SDHAF4: variants seen among roughly 807,000 people sequenced by gnomAD.
SDHAF4 encodes succinate dehydrogenase complex assembly factor 4.
In SDHAF4, 14 loss-of-function variants were observed where a neutral mutation model predicts 14.3. That is an observed-to-expected ratio of 0.98 (90% CI 0.65 to 1.53). The LOEUF (loss-of-function observed/expected upper bound fraction) is 1.53. Ranked by LOEUF, SDHAF4 falls within the 40% of genes most tolerant of loss-of-function variation. The probability of loss-of-function intolerance (pLI) is 0.00; values close to 1 mark genes in which losing one functional copy is unlikely to be tolerated. For missense variants in SDHAF4, 141 were observed against 129.3 expected, an observed-to-expected ratio of 1.09 and a Z score of -0.44; for synonymous variants, 63 against 47.3, an observed-to-expected ratio of 1.33 and a Z score of -1.36.
At chr6:70,568,389 A>G (rs1436454081) in intron 1 of SDHAF4, among the ~76,000 whole-genome samples, 1 of 152,236 alleles carries the variant, frequency 6.6e-6, no homozygotes, top group African/African-American at 2.4e-5. Flanking sequence ...CAATTTAAGA[A>G]ATAGTCTCTA....
downstream of SDHAF4, among the ~76,000 whole-genome samples, chr6:70,593,498 C>G (rs1056315008): frequency 7.2e-5 from 11 of 152,166 alleles, no homozygotes; most frequent in African/African-American, 2.7e-4. Flanking sequence ...GTAGAGCTAC[C>G]AGTATGCAAC....
At chr6:70,567,912 C>T (rs565086860) in intron 1 of SDHAF4, among the ~76,000 whole-genome samples, 32 of 152,286 alleles carry the variant, frequency 2.1e-4, no homozygotes, top group Admixed American at 1.5e-3. Flanking sequence ...GTCTCGATCT[C>T]CTGACCTTGT....
intron 1 of SDHAF4, among the ~76,000 whole-genome samples, chr6:70,572,646 G>A (rs1042337122): frequency 1.3e-5 from 2 of 150,036 alleles, no homozygotes; most frequent in African/African-American, 2.5e-5. Context: ...TCCATTTTCC[G>A]TGGTTTTTTT....
chr6:70,589,779 C>T (rs1765242423), downstream of SDHAF4, among the ~76,000 whole-genome samples: 1 of 152,098 alleles, frequency 6.6e-6, no homozygotes, highest in African/African-American at 2.4e-5. Flanking sequence ...CTCTGTGCTT[C>T]AATATCCTTA....
At chr6:70,573,122 C>T (rs1343817370) in intron 1 of SDHAF4, among the ~76,000 whole-genome samples, 1 of 152,002 alleles carries the variant, frequency 6.6e-6, no homozygotes, top group East Asian at 1.9e-4. Context: ...AGACTATAGG[C>T]ACCACCGTCA....
chr6:70,566,952 G>A lies in SDHAF4; in HGVS notation c.12G>A (p.Ser4=). 1 of 1,588,612 alleles carries A rather than the reference G, an allele frequency of 6.3e-7. No homozygotes were observed. The highest frequency in any genetic ancestry group is 1.2e-5 in the South Asian group (1 of 86,934). ...GGGGAGTCGGCGCCATGACCCCATC[G>A]AGGCTTCCCTGGTTGCTTAGCTGGG... MTP[S]RLPWLLSWVS... Residue 4 remains serine (S), a synonymous_variant, in exon 1 of 3, where the codon TCG becomes TCA. Coordinates refer to ENST00000370474, the MANE Select transcript of SDHAF4 (RefSeq NM_145267.3).
intron 1 of SDHAF4, among the ~76,000 whole-genome samples, chr6:70,576,161 G>A (rs890132341): frequency 2.0e-5 from 3 of 152,154 alleles, no homozygotes; most frequent in African/African-American, 2.4e-5. Flanking sequence ...CACTTGTGTC[G>A]AAAGCTGTAA....
At chr6:70,597,588 A>T in the SDHAF4 span, among the ~76,000 whole-genome samples, 1 of 152,256 alleles carries the variant, frequency 6.6e-6, no homozygotes, top group South Asian at 2.1e-4. Context: ...ATGGCAGGTG[A>T]CTATACTTCA....
intron 1 of SDHAF4, among the ~76,000 whole-genome samples, chr6:70,569,117 C>G (rs1434789786): frequency 6.6e-6 from 1 of 151,398 alleles, no homozygotes; most frequent in Admixed American, 6.6e-5. Context: ...AGGCGCGCGC[C>G]ACCACGCCCG....
chr6:70,594,911 T>G, the SDHAF4 span, among the ~76,000 whole-genome samples: 7 of 129,268 alleles, frequency 5.4e-5, no homozygotes, highest in East Asian at 1.4e-3. Flanking sequence ...AAACTCCATC[T>G]CAGAAAAAAA....
chr6:70,585,074 C>T (rs1765180076), intron 2 of SDHAF4, among the ~76,000 whole-genome samples: 1 of 152,174 alleles, frequency 6.6e-6, no homozygotes, highest in Admixed American at 6.5e-5. Context: ...GACATCTTGA[C>T]CTGTTCTTTC....
chr6:70,568,965 T>C (rs889317558), intron 1 of SDHAF4, among the ~76,000 whole-genome samples: 1 of 87,304 alleles, frequency 1.1e-5, no homozygotes, highest in Non-Finnish European at 2.3e-5. Context: ...CTTTTTTCTT[T>C]TTTTTTTTTT....
At chr6:70,592,220 G>A (rs1765263602), downstream of SDHAF4, among the ~76,000 whole-genome samples, 1 of 152,218 alleles carries the variant, frequency 6.6e-6, no homozygotes, top group Admixed American at 6.5e-5. Context: ...ACTGGCACTG[G>A]GAGTGAGGTG....
At chr6:70,576,804 A>G (rs1484804045) in intron 1 of SDHAF4, among the ~76,000 whole-genome samples, 3 of 152,190 alleles carry the variant, frequency 2.0e-5, no homozygotes, top group Non-Finnish European at 4.4e-5. Context: ...AGGTACTGTA[A>G]TTTTTCTGTT....
chr6:70,575,414 T>C (rs576682690), intron 1 of SDHAF4, among the ~76,000 whole-genome samples: 2 of 147,960 alleles, frequency 1.4e-5, no homozygotes, highest in East Asian at 2.0e-4. Flanking sequence ...CATGGTGAAA[T>C]CCCGTGTCTA....
chr6:70,581,832 C>G (rs756553939), intron 2 of SDHAF4, among the ~76,000 whole-genome samples: 8 of 152,106 alleles, frequency 5.3e-5, no homozygotes, highest in African/African-American at 1.9e-4. Context: ...CTGGCCTCAA[C>G]TCCTGGGCTC....
intron 2 of SDHAF4, among the ~76,000 whole-genome samples, chr6:70,587,706 G>C (rs1229981007): frequency 6.6e-6 from 1 of 152,102 alleles, no homozygotes; most frequent in African/African-American, 2.4e-5. Context: ...TATAAAGTTG[G>C]AACAATAATT....
At chr6:70,575,034 G>T (rs148245391) in intron 1 of SDHAF4, among the ~76,000 whole-genome samples, 2 of 152,194 alleles carry the variant, frequency 1.3e-5, no homozygotes, top group Non-Finnish European at 2.9e-5. Flanking sequence ...TTAAGAGACT[G>T]TCATCTCCCT....
At chr6:70,574,234 C>T (rs1802221791) in intron 1 of SDHAF4, among the ~76,000 whole-genome samples, 2 of 151,634 alleles carry the variant, frequency 1.3e-5, no homozygotes, top group Non-Finnish European at 2.9e-5. Flanking sequence ...GCAGGAGAAT[C>T]GCTTGATCCC....
Sources: gnomAD v4.1 joint callset for allele counts (sites outside exome capture counted in the v4.1 genomes callset) on GRCh38, gnomAD v4.1.1 for gene constraint, MANE v1.5 for transcripts, NCBI Gene and HGNC (gene_info 2026-07-23, HGNC 2026-07-21) for gene names.